Variants in CCDC138 observed in about 807,000 individuals in gnomAD.
The protein encoded by CCDC138 is coiled-coil domain containing 138.
CCDC138 carries 66 observed loss-of-function variants against 82.3 expected under a neutral mutation model. That is an observed-to-expected ratio of 0.80 (90% CI 0.66 to 0.98). The LOEUF (loss-of-function observed/expected upper bound fraction) is 0.98. Among genes scored for constraint, CCDC138 ranks in the 50% least tolerant of loss-of-function variants. The pLI is 0.00. For missense variants in CCDC138, 816 were observed against 758.9 expected (o/e 1.08, Z -0.88); for synonymous variants, 297 against 265.4 (o/e 1.12, Z -1.16).
At chr2:108,823,805 C>T (rs1306292579) in intron 10 of CCDC138, among the ~76,000 whole-genome samples, 1 of 152,138 alleles carries the variant, frequency 6.6e-6, no homozygotes, top group Non-Finnish European at 1.5e-5. Flanking sequence ...TGTGAAACTC[C>T]GTTTTTACTA....
At chr2:108,871,433 A>G (rs1003749183) in intron 13 of CCDC138, among the ~76,000 whole-genome samples, 4 of 151,552 alleles carry the variant, frequency 2.6e-5, no homozygotes, top group Non-Finnish European at 5.9e-5. Context: ...TGTGCCTGTA[A>G]TCCCAGTTAC....
chr2:108,812,705 A>G lies in CCDC138; in HGVS notation c.930A>G (p.Leu310=). 1.2e-6 allele frequency: 2 copies of G among 1,608,394 alleles called. No individual in the cohort carries two copies. The highest frequency in any genetic ancestry group is 2.7e-5 in the African/African-American group (2 of 74,984). The change falls in exon 8 of 15, where the codon TTA becomes TTG. Residue 310 remains leucine (L), a synonymous_variant. Coordinates refer to ENST00000295124, the MANE Select transcript of CCDC138 (RefSeq NM_144978.3). The part of the protein sequence containing the change: ...AKRVQARLDN[L]QRKYEFMTIQ... ...GAGTTCAAGCTCGTTTAGATAATTTACAGGTAAGTTGCCTGTTCTTCTCTA... is the reference window on the plus strand; with the variant it reads ...GAGTTCAAGCTCGTTTAGATAATTTGCAGGTAAGTTGCCTGTTCTTCTCTA...
intron 13 of CCDC138, 92 bp downstream of exon 13, chr2:108,857,062 ATTGC>A: frequency 9.0e-6 from 1 of 110,722 alleles, no homozygotes; most frequent in Non-Finnish European, 1.6e-5. Flanking sequence ...ATCAGATACT[ATTGC>A]TTTTTTTTTT....
rs770746522 is a variant in CCDC138 at position 108,876,177 on chromosome 2, G to A, written c.1922G>A (p.Cys641Tyr). 2 of 1,613,060 alleles carry A rather than the reference G, an allele frequency of 1.2e-6. No individual in the cohort carries two copies. Among genetic ancestry groups the A allele is most frequent in the Admixed American group, 1.7e-5 (1 of 59,982 alleles). The change falls in exon 15 of 15, where the codon TGT (cysteine) becomes TAT (tyrosine). Residue 641 changes from cysteine (C) to tyrosine (Y), a missense_variant. Coordinates refer to ENST00000295124, the MANE Select transcript of CCDC138 (RefSeq NM_144978.3). ...RTTNPEHAFL[C>Y]INLNSTLFNL... ...ACAAACCCAGAGCATGCATTTCTCT[G>A]TATTAATCTAAATTCAACTCTGTTC...
intron 13 of CCDC138, among the ~76,000 whole-genome samples, chr2:108,871,763 A>G (rs1453731293): frequency 6.6e-6 from 1 of 152,188 alleles, no homozygotes; most frequent in Non-Finnish European, 1.5e-5. Flanking sequence ...AATGTATTGC[A>G]CTTTTCATCT....
intron 10 of CCDC138, among the ~76,000 whole-genome samples, chr2:108,829,077 T>G (rs956896985): frequency 6.6e-6 from 1 of 152,170 alleles, no homozygotes; most frequent in Non-Finnish European, 1.5e-5. Flanking sequence ...CTTCATGATA[T>G]TAGATTTGGC....
intron 12 of CCDC138, among the ~76,000 whole-genome samples, chr2:108,855,372 A>G (rs1450584373): frequency 6.6e-6 from 1 of 152,194 alleles, no homozygotes; most frequent in Admixed American, 6.5e-5. Flanking sequence ...GTCAAATTAT[A>G]TACTAAGAAT....
chr2:108,873,628 TAC>T, intron 14 of CCDC138, 39 bp downstream of exon 14: 2 of 1,429,532 alleles, frequency 1.4e-6, no homozygotes, highest in Non-Finnish European at 1.9e-6. Flanking sequence ...TATTGAAAAA[TAC>T]CTTACTGTGA....
At chr2:108,813,512 T>C (rs561039007) in intron 9 of CCDC138, among the ~76,000 whole-genome samples, 1 of 152,314 alleles carries the variant, frequency 6.6e-6, no homozygotes, top group African/African-American at 2.4e-5. Context: ...CTTTATTGCT[T>C]AGTATGTTTT....
intron 6 of CCDC138, among the ~76,000 whole-genome samples, chr2:108,802,442 G>A (rs951495131): frequency 3.5e-5 from 5 of 142,488 alleles, no homozygotes; most frequent in Non-Finnish European, 7.4e-5. Context: ...TCTGTTGTTG[G>A]TGTATAAGAA....
chr2:108,848,125 C>G (rs1024044305), intron 12 of CCDC138, among the ~76,000 whole-genome samples: 40 of 152,036 alleles, frequency 2.6e-4, no homozygotes, highest in African/African-American at 8.7e-4. Flanking sequence ...GAATTTGAAG[C>G]CAATTTAATA....
At position 108,786,775 on chromosome 2, in the gene CCDC138, G is replaced by T. The variant is rs768414745; in HGVS notation, c.-48G>T. 5.1e-5 allele frequency: 78 copies of T among 1,518,934 alleles called. No individual in the cohort carries two copies. The highest frequency in any genetic ancestry group is 6.6e-5 in the Non-Finnish European group (74 of 1,114,428). 94.1% of individuals were successfully genotyped at this position (1,518,934 alleles called of 1,614,324 possible). A position where few individuals can be genotyped will look rare whatever the true frequency, so the allele number is the denominator to read the frequency against. On this transcript the variant is annotated 5_prime_UTR_variant, in exon 1 of 15. Transcript: ENST00000295124. ...GCACTGCGGCCGCGTAGCGCCGCGGGTTTGATGAACGCGGTTCCCGGGGAG... is the reference window on the plus strand; with the variant it reads ...GCACTGCGGCCGCGTAGCGCCGCGGTTTTGATGAACGCGGTTCCCGGGGAG...
intron 4 of CCDC138, among the ~76,000 whole-genome samples, chr2:108,794,166 C>T (rs888507193): frequency 6.6e-6 from 1 of 152,132 alleles, no homozygotes; most frequent in Admixed American, 6.6e-5. Context: ...CAAAGCAAAG[C>T]AGCATGTAAC....
At chr2:108,810,771 G>T (rs1589911) in intron 7 of CCDC138, among the ~76,000 whole-genome samples, 121,909 of 152,202 alleles carry the variant, frequency 0.8, 49,111 homozygotes, top group East Asian at 0.95. Context: ...TGAAGTCATT[G>T]AGTGAATTTA....
intron 11 of CCDC138, among the ~76,000 whole-genome samples, chr2:108,842,547 A>G (rs1689682038): frequency 3.3e-5 from 5 of 152,240 alleles, no homozygotes; most frequent in African/African-American, 9.6e-5. Context: ...GCAAGCAGAC[A>G]TGAGTTCTAG....
chr2:108,871,778 C>T (rs549376747), intron 13 of CCDC138, among the ~76,000 whole-genome samples: 7 of 152,152 alleles, frequency 4.6e-5, no homozygotes, highest in South Asian at 2.1e-4. Context: ...TCATCTTCCC[C>T]GCCTCCATTT....
At chr2:108,828,250 A>G (rs1686978085) in intron 10 of CCDC138, among the ~76,000 whole-genome samples, 1 of 152,312 alleles carries the variant, frequency 6.6e-6, no homozygotes, top group Admixed American at 6.5e-5. Flanking sequence ...ATACGAGAAC[A>G]AGGAAGGTTT....
At chr2:108,859,420 AT>A (rs1693191990) in intron 13 of CCDC138, among the ~76,000 whole-genome samples, 1 of 152,078 alleles carries the variant, frequency 6.6e-6, no homozygotes, top group Non-Finnish European at 1.5e-5. Flanking sequence ...CCAGTTGTCA[AT>A]TTTTATTTTT....
In CCDC138 at chr2:108,809,890, C is replaced by G. The variant is rs541197691; in HGVS notation, c.856-2741C>G. Among the ~76,000 whole-genome samples, 7 of 152,292 alleles carry G rather than the reference C, an allele frequency of 4.6e-5. No homozygotes were observed. The East Asian group carries it at 1.2e-3, about 25-fold the overall frequency. On this transcript the variant is annotated intron_variant, in intron 7 of 14. Coordinates refer to ENST00000295124, the MANE Select transcript of CCDC138 (RefSeq NM_144978.3). ...GCACGATATCTGCTCACTGCAACCTCCACCTCCTGGGTTCACACAATTCTC... is the reference window on the plus strand; with the variant it reads ...GCACGATATCTGCTCACTGCAACCTGCACCTCCTGGGTTCACACAATTCTC...
Sources: gnomAD v4.1 joint callset for allele counts (sites outside exome capture counted in the v4.1 genomes callset) on GRCh38, gnomAD v4.1.1 for gene constraint, MANE v1.5 for transcripts, NCBI Gene and HGNC (gene_info 2026-07-23, HGNC 2026-07-21) for gene names.